The following SLC25A48 variants were observed in gnomAD, a reference collection of about 807,000 sequenced individuals.
SLC25A48 encodes the protein CTC-321K16.1.
SLC25A48 carries 29 observed loss-of-function variants against 32.2 expected under a neutral mutation model. That is an observed-to-expected ratio of 0.90 (90% CI 0.67 to 1.23). SLC25A48 has a LOEUF of 1.23. Ranked by LOEUF, SLC25A48 falls within the 50% of genes most tolerant of loss-of-function variation. The probability of loss-of-function intolerance (pLI) is 0.00; values close to 1 mark genes in which losing one functional copy is unlikely to be tolerated. For missense variants in SLC25A48, 399 were observed against 422.7 expected (o/e 0.94, Z 0.49); for synonymous variants, 164 against 172.3 (o/e 0.95, Z 0.38).
At chr5:135,720,825 C>T (rs1254176333) in intron 3 of SLC25A48, among the ~76,000 whole-genome samples, 1 of 151,898 alleles carries the variant, frequency 6.6e-6, no homozygotes, top group Non-Finnish European at 1.5e-5. Flanking sequence ...CTTTGGAGTT[C>T]TCCTGGTGGT....
At chr5:135,836,959 TCCCCCCCCCCACCC>T (rs780240379) in intron 1 of SLC25A48, among the ~76,000 whole-genome samples, 2 of 24,830 alleles carry the variant, frequency 8.1e-5, no homozygotes, top group African/African-American at 1.3e-4. Context: ...TTTGATATTA[TCCCCCCCCCCACCC>T]CCCCCCCCCA....
chr5:135,670,432 C>T (rs371167284), intron 3 of SLC25A48, among the ~76,000 whole-genome samples: 35 of 152,310 alleles, frequency 2.3e-4, no homozygotes, highest in Non-Finnish European at 4.3e-4. Context: ...TTTCCAGGCA[C>T]GGACACAGAG....
chr5:135,640,556 T>C (rs984838588), intron 3 of SLC25A48, among the ~76,000 whole-genome samples: 1 of 152,090 alleles, frequency 6.6e-6, no homozygotes, highest in Non-Finnish European at 1.5e-5. Context: ...TAAAGACCAA[T>C]ATCCCTCTGA....
At chr5:135,869,779 A>G (rs1260030857) in intron 4 of SLC25A48, among the ~76,000 whole-genome samples, 2 of 152,176 alleles carry the variant, frequency 1.3e-5, no homozygotes, top group African/African-American at 4.8e-5. Flanking sequence ...GATCTTGCTC[A>G]GAGGGGTCTT....
Position 135,720,151 on chromosome 5 carries a change from G to A in SLC25A48, c.-521+85195G>A, listed in dbSNP as rs184345592. 1.9e-3 allele frequency among the ~76,000 whole-genome samples: 290 copies of A among 152,346 alleles called. 1 individual carries two copies. Among genetic ancestry groups the A allele is most frequent in the African/African-American group, 6.8e-3 (281 of 41,588 alleles). On this transcript the variant is annotated intron_variant, in intron 3 of 10. Coordinates refer to the SLC25A48 transcript ENST00000646290. ...TGCTCATTGTAGCAGTGGAGCTCTT[G>A]ACTATGGGGTGGGATTTCCCTCCAA...
At chr5:135,579,186 G>A (rs116542778), upstream of SLC25A48, 464 of 304,618 alleles carry the variant, frequency 1.5e-3, 1 homozygote, top group Non-Finnish European at 2.6e-3. Flanking sequence ...CCGGAGCCAC[G>A]CGCGCACACG....
At chr5:135,631,106 AT>A (rs1293091972) in intron 2 of SLC25A48, among the ~76,000 whole-genome samples, 1 of 152,084 alleles carries the variant, frequency 6.6e-6, no homozygotes, top group Non-Finnish European at 1.5e-5. Flanking sequence ...ATGCATGTAC[AT>A]TTTTCCTTTG....
At chr5:135,880,156 T>C in intron 7 of SLC25A48, 59 bp downstream of exon 7, 1 of 1,504,730 alleles carries the variant, frequency 6.6e-7, no homozygotes, top group Non-Finnish European at 8.8e-7. Flanking sequence ...CTTTTTTTTT[T>C]TTTTATCATG....
chr5:135,721,498 C>T lies in SLC25A48; in HGVS notation c.-521+86542C>T, dbSNP rs79477828. Among the ~76,000 whole-genome samples the T allele has an allele frequency of 5.0e-3, 762 of 152,200 alleles. 6 individuals carry two copies. Among genetic ancestry groups the T allele is most frequent in the African/African-American group, 0.017 (720 of 41,524 alleles). On this transcript the variant is annotated intron_variant, in intron 3 of 10. Coordinates refer to the SLC25A48 transcript ENST00000646290. The stretch of plus-strand genomic sequence containing the variant: ...GATTACAGGTGTGAACCACCGCACC[C>T]GGCCTCCCACTCACATTTTAACTGG...
upstream of SLC25A48, among the ~76,000 whole-genome samples, chr5:135,833,022 A>T (rs1167849226): frequency 1.3e-5 from 2 of 152,234 alleles, no homozygotes; most frequent in Non-Finnish European, 2.9e-5. Context: ...GATGGCCTGG[A>T]TCCTGGCCAC....
chr5:135,724,305 T>C (rs1755037524), intron 3 of SLC25A48, among the ~76,000 whole-genome samples: 1 of 152,234 alleles, frequency 6.6e-6, no homozygotes, highest in African/African-American at 2.4e-5. Context: ...GCTCAAGATG[T>C]TGAAGTGGCT....
intron 1 of SLC25A48, among the ~76,000 whole-genome samples, chr5:135,612,552 C>G (rs940970984): frequency 4.6e-5 from 7 of 152,206 alleles, no homozygotes; most frequent in African/African-American, 1.4e-4. Context: ...CGTACACACC[C>G]TTCCCAGCCT....
chr5:135,825,865 A>G (rs777136481), intron 4 of SLC25A48: 1 of 152,124 alleles, frequency 6.6e-6, no homozygotes, highest in East Asian at 1.9e-4. Context: ...CTGCCTTTCC[A>G]TCTGGGAGCC....
intron 4 of SLC25A48, among the ~76,000 whole-genome samples, chr5:135,829,372 A>G (rs55973833): frequency 0.14 from 20,709 of 152,192 alleles, 1,866 homozygotes; most frequent in Middle Eastern, 0.2. Flanking sequence ...TCAGGCGGAC[A>G]GCAGCATTTC....
intron 2 of SLC25A48, among the ~76,000 whole-genome samples, chr5:135,850,024 AG>A (rs1759714063): frequency 6.6e-6 from 1 of 152,172 alleles, no homozygotes; most frequent in African/African-American, 2.4e-5. Flanking sequence ...GTTTCTGGTG[AG>A]GATGAGGGGT....
rs147019452 is a variant in SLC25A48 at position 135,796,578 on chromosome 5, G to A, written c.-520-15945G>A. 3.6e-3 allele frequency among the ~76,000 whole-genome samples: 530 copies of A among 148,862 alleles called. 1 individual carries two copies. The highest frequency in any genetic ancestry group is 4.9e-3 in the Admixed American group (72 of 14,720). The stretch of plus-strand genomic sequence containing the variant: ...ATATGGTTCATAATATCCACAGGGG[G>A]AGAGGGTAATATTACTCCCCATATT... On this transcript the variant is annotated intron_variant, in intron 3 of 10. Transcript: ENST00000646290.
At chr5:135,649,537 G>GT in intron 3 of SLC25A48, 1 of 152,624 alleles carries the variant, frequency 6.6e-6, no homozygotes, top group Non-Finnish European at 1.5e-5. Context: ...AGAGTGGCCA[G>GT]TGACTCAGAT....
intron 4 of SLC25A48, among the ~76,000 whole-genome samples, chr5:135,857,383 G>A (rs920992636): frequency 5.3e-5 from 8 of 152,200 alleles, no homozygotes; most frequent in African/African-American, 1.7e-4. Flanking sequence ...GCCAGTGTTA[G>A]GGAGCTGAGC....
intron 3 of SLC25A48, among the ~76,000 whole-genome samples, chr5:135,740,203 C>G (rs1251970414): frequency 1.3e-5 from 2 of 151,616 alleles, no homozygotes; most frequent in African/African-American, 4.9e-5. Flanking sequence ...TATATATATG[C>G]ATTCTTTTCA....
Sources: allele counts gnomAD v4.1 joint callset (sites outside exome capture counted in the v4.1 genomes callset), GRCh38; gene constraint gnomAD v4.1.1; transcripts MANE v1.5; gene names NCBI Gene and HGNC (gene_info 2026-07-23, HGNC 2026-07-21).